XKR9: variants seen among roughly 807,000 people sequenced by gnomAD.
XKR9 encodes XK-related protein 9.
Under a neutral mutation model 32.0 loss-of-function variants are expected in XKR9, and 32 were observed. The observed-to-expected ratio is 1.00, with a 90% confidence interval of 0.76 to 1.34. The LOEUF (loss-of-function observed/expected upper bound fraction) is 1.34. Ranked by LOEUF, XKR9 falls within the 40% of genes most tolerant of loss-of-function variation. XKR9 has a pLI of 0.00. For missense variants in XKR9, 546 were observed against 429.7 expected (o/e 1.27, Z -2.39); for synonymous variants, 168 against 143.4 (o/e 1.17, Z -1.22).
intron 2 of XKR9, among the ~76,000 whole-genome samples, chr8:70,742,161 T>C (rs1344563405): frequency 1.3e-5 from 2 of 152,208 alleles, no homozygotes; most frequent in African/African-American, 4.8e-5. Flanking sequence ...AAATAACTTC[T>C]GTAACTGAAT....
At chr8:70,808,507 AC>A in the XKR9 span, among the ~76,000 whole-genome samples, 1 of 152,078 alleles carries the variant, frequency 6.6e-6, no homozygotes, top group African/African-American at 2.4e-5. Flanking sequence ...GCATTGCCTC[AC>A]CCAGGAAGCA....
chr8:71,021,351 G>A, the XKR9 span, among the ~76,000 whole-genome samples: 1 of 151,940 alleles, frequency 6.6e-6, no homozygotes, highest in Admixed American at 6.5e-5. Flanking sequence ...CATGTTTTTT[G>A]CTCGTTTTTA....
At chr8:70,970,281 T>C in the XKR9 span, among the ~76,000 whole-genome samples, 2 of 152,204 alleles carry the variant, frequency 1.3e-5, no homozygotes, top group African/African-American at 4.8e-5. Context: ...CTGGATCAAA[T>C]GGTAGATCTA....
At chr8:70,682,676 A>G (rs1563419330) in intron 3 of XKR9, among the ~76,000 whole-genome samples, 1 of 152,104 alleles carries the variant, frequency 6.6e-6, no homozygotes, top group African/African-American at 2.4e-5. Flanking sequence ...GGAACTTGAG[A>G]GTATGGTGTG....
At chr8:70,697,114 T>G (rs1250563605) in intron 3 of XKR9, among the ~76,000 whole-genome samples, 1 of 150,708 alleles carries the variant, frequency 6.6e-6, no homozygotes, top group East Asian at 1.9e-4. Flanking sequence ...AGATATACAA[T>G]CATGTCATCT....
the XKR9 span, among the ~76,000 whole-genome samples, chr8:70,919,355 T>G: frequency 5.3e-5 from 8 of 152,238 alleles, no homozygotes; most frequent in African/African-American, 1.7e-4. Context: ...CTCTCCCTAT[T>G]ATCTATCTTA....
the XKR9 span, among the ~76,000 whole-genome samples, chr8:70,885,171 A>G: frequency 6.6e-6 from 1 of 151,728 alleles, no homozygotes; most frequent in African/African-American, 2.4e-5. Context: ...TTCAATTTCT[A>G]ATTATTTAAA....
the XKR9 span, among the ~76,000 whole-genome samples, chr8:70,904,019 G>T: frequency 6.6e-6 from 1 of 150,468 alleles, no homozygotes; most frequent in African/African-American, 2.4e-5. Context: ...TGCATTTGCT[G>T]TGGAGTGCTT....
At chr8:70,889,777 T>C in the XKR9 span, among the ~76,000 whole-genome samples, 3 of 152,046 alleles carry the variant, frequency 2.0e-5, no homozygotes, top group Non-Finnish European at 4.4e-5. Context: ...CTGTGTAGTA[T>C]TCCGTGGTGT....
the XKR9 span, among the ~76,000 whole-genome samples, chr8:70,993,355 G>A: frequency 2.6e-5 from 4 of 152,184 alleles, no homozygotes; most frequent in South Asian, 2.1e-4. Context: ...TTGTTATTAG[G>A]TTTTTCCTAA....
chr8:70,781,801 A>C (rs1429366960), intron 2 of XKR9, among the ~76,000 whole-genome samples: 1 of 152,156 alleles, frequency 6.6e-6, no homozygotes, highest in African/African-American at 2.4e-5. Flanking sequence ...CATTTAGAAC[A>C]AGCTTTCTCA....
At chr8:70,900,243 T>C in the XKR9 span, among the ~76,000 whole-genome samples, 2 of 152,184 alleles carry the variant, frequency 1.3e-5, no homozygotes, top group Non-Finnish European at 2.9e-5. Flanking sequence ...TTATATAATT[T>C]TATTCAGTCT....
At chr8:70,889,165 C>A in the XKR9 span, among the ~76,000 whole-genome samples, 1 of 150,734 alleles carries the variant, frequency 6.6e-6, no homozygotes, top group African/African-American at 2.4e-5. Flanking sequence ...GATCTTTCAC[C>A]TCCTTAATTA....
rs1428333129 is a variant in XKR9 at position 70,745,202 on chromosome 8, TAGTA to T, written n.352+38052_352+38055del. Among the ~76,000 whole-genome samples the T allele has an allele frequency of 1.5e-5, 2 of 131,176 alleles. 1 individual carries two copies. Among genetic ancestry groups the T allele is most frequent in the African/African-American group, 5.5e-5 (2 of 36,686 alleles). 86.1% of individuals were successfully genotyped at this position (131,176 alleles called of 152,430 possible). On this transcript the variant is annotated intron_variant and non_coding_transcript_variant, in intron 2 of 3. Coordinates refer to the XKR9 transcript ENST00000520273. ...ATCCTGGTCAGATGTTTTGGCTAAA[TAGTA>T]AGCTTTTAAAATGAACTTTTAATAT...
At chr8:70,747,222 G>T (rs971097447) in intron 2 of XKR9, among the ~76,000 whole-genome samples, 1 of 152,186 alleles carries the variant, frequency 6.6e-6, no homozygotes, top group African/African-American at 2.4e-5. Context: ...ATAGACATGA[G>T]TGCGGGTGAC....
the XKR9 span, among the ~76,000 whole-genome samples, chr8:70,980,818 T>C: frequency 2.6e-5 from 4 of 152,232 alleles, no homozygotes; most frequent in Admixed American, 1.3e-4. Context: ...TAACCGTTCT[T>C]GTAGTGCTGG....
intron 2 of XKR9, among the ~76,000 whole-genome samples, chr8:70,743,056 A>G (rs531281163): frequency 1.3e-5 from 2 of 152,078 alleles, no homozygotes; most frequent in South Asian, 2.1e-4. Context: ...TGTTAGACCT[A>G]TTGATATTCT....
intron 4 of XKR9, among the ~76,000 whole-genome samples, chr8:70,720,988 G>T (rs1806260155): frequency 6.6e-6 from 1 of 152,206 alleles, no homozygotes; most frequent in East Asian, 1.9e-4. Context: ...ACTTGTTATT[G>T]GTCTATTCAG....
the XKR9 span, among the ~76,000 whole-genome samples, chr8:70,837,534 T>C: frequency 6.6e-6 from 1 of 152,066 alleles, no homozygotes; most frequent in Non-Finnish European, 1.5e-5. Context: ...GATGATGCTC[T>C]GGAGGCAGGT....
Sources: gnomAD v4.1 joint callset for allele counts (sites outside exome capture counted in the v4.1 genomes callset) on GRCh38, gnomAD v4.1.1 for gene constraint, MANE v1.5 for transcripts, NCBI Gene and HGNC (gene_info 2026-07-23, HGNC 2026-07-21) for gene names.